IP6K2: variants seen among roughly 807,000 people sequenced by gnomAD.
IP6K2 encodes ATP:1D-myo-inositol-hexakisphosphate phosphotransferase.
A neutral mutation model predicts 43.3 loss-of-function variants in IP6K2; 9 were observed. The observed-to-expected ratio is 0.21, with a 90% CI of 0.13 to 0.36. IP6K2 has a LOEUF of 0.36. Among genes scored for constraint, IP6K2 ranks in the 10% least tolerant of loss-of-function variants. The probability of loss-of-function intolerance (pLI) is 1.00; values close to 1 mark genes in which losing one functional copy is unlikely to be tolerated. For missense variants in IP6K2, 332 were observed against 538.4 expected, an observed-to-expected ratio of 0.62 and a Z score of 3.79; for synonymous variants, 209 against 202.4, an observed-to-expected ratio of 1.03 and a Z score of -0.28.
Position 48,693,094 on chromosome 3 carries a change from C to T in IP6K2, c.288G>A (p.Val96=). The T allele has an allele frequency of 2.5e-6, 4 of 1,614,148 alleles. No individual in the cohort carries two copies. The highest frequency in any genetic ancestry group is 3.4e-6 in the Non-Finnish European group (4 of 1,179,976). The change falls in exon 3 of 6, where the codon GTG becomes GTA. Residue 96 remains valine (V), a synonymous_variant. Coordinates refer to ENST00000328631, the MANE Select transcript of IP6K2 (RefSeq NM_016291.4). ...CACAGTCTGAATTATCTACAATGTC[C>T]ACAATTCCATGGTCCCCTTTCAATG... ...AYPLKGDHGI[V]DIVDNSDCEP...
intron 1 of IP6K2, among the ~76,000 whole-genome samples, chr3:48,712,624 G>A (rs1352622498): frequency 6.6e-6 from 1 of 152,068 alleles, no homozygotes; most frequent in Non-Finnish European, 1.5e-5. Context: ...TGAGGCAAGA[G>A]GATCACTTAT....
intron 1 of IP6K2, among the ~76,000 whole-genome samples, chr3:48,705,196 C>A (rs1171790043): frequency 6.6e-6 from 1 of 152,092 alleles, no homozygotes; most frequent in South Asian, 2.1e-4. Flanking sequence ...GCTGCCTCAG[C>A]CTCCCAAAGT....
At chr3:48,711,748 ATTGT>A (rs879579572) in intron 1 of IP6K2, among the ~76,000 whole-genome samples, 4 of 152,204 alleles carry the variant, frequency 2.6e-5, no homozygotes, top group Non-Finnish European at 5.9e-5. Flanking sequence ...GTTATTTGTT[ATTGT>A]TTTTCTTGTC....
intron 4 of IP6K2, among the ~76,000 whole-genome samples, chr3:48,690,787 C>CAA (rs538609739): frequency 8.4e-4 from 43 of 51,100 alleles, no homozygotes; most frequent in African/African-American, 2.4e-3. Flanking sequence ...GACTCTGTCT[C>CAA]AAAAAAAAAA....
Position 48,688,285 on chromosome 3 carries a change from C to A in IP6K2, c.1269G>T (p.Glu423Asp). The change falls in exon 6 of 6, where the codon GAG becomes GAT. Residue 423 changes from glutamate (E) to aspartate (D), a missense_variant. By Grantham distance (45) the Glu-to-Asp change is conservative. Transcript: ENST00000328631. The surrounding 1 kb of genome is among the most constrained non-coding windows in gnomAD (Gnocchi z 5.1). ...LIDIVTEISE[E>D]SGE Reference sequence around the variant, plus strand: ...GCAGCTAGCAAGCTCACTCCCCACTCTCCTCACTTATCTCTGTGACAATGT... The same window carrying A: ...GCAGCTAGCAAGCTCACTCCCCACTATCCTCACTTATCTCTGTGACAATGT... 1 of 1,613,726 alleles carries A rather than the reference C, an allele frequency of 6.2e-7. No homozygotes were observed. Among genetic ancestry groups the A allele is most frequent in the Non-Finnish European group, 8.5e-7 (1 of 1,179,600 alleles).
At chr3:48,691,271 C>T in intron 4 of IP6K2, 36 bp downstream of exon 4, 1 of 1,555,558 alleles carries the variant, frequency 6.4e-7, no homozygotes, top group Non-Finnish European at 8.8e-7. Flanking sequence ...TCTCCTCTTA[C>T]CCTCAAATGC....
chr3:48,701,195 C>G (rs988393131), intron 1 of IP6K2, among the ~76,000 whole-genome samples: 1 of 151,926 alleles, frequency 6.6e-6, no homozygotes. Context: ...CATGGTGAAA[C>G]CCCATCTCTA....
In IP6K2 at chr3:48,692,669, T is replaced by A. The variant is rs530907271; in HGVS notation, c.428+285A>T. Among the ~76,000 whole-genome samples the A allele has an allele frequency of 1.2e-3, 183 of 152,314 alleles. No individual in the cohort carries two copies. In the Middle Eastern group the frequency reaches 0.017, roughly 14 times the overall value. ...TGAGGTAAAAGGATGGCTCCTCTCT[T>A]AGTCACTGCTACATCTCCAGAACAC... On this transcript the variant is annotated intron_variant, in intron 3 of 5. Coordinates refer to ENST00000328631, the MANE Select transcript of IP6K2 (RefSeq NM_016291.4).
At chr3:48,706,616 G>C (rs1000802885) in intron 1 of IP6K2, among the ~76,000 whole-genome samples, 1 of 152,150 alleles carries the variant, frequency 6.6e-6, no homozygotes. Context: ...TTGGGAGGCA[G>C]ATCACTTAAG....
intron 1 of IP6K2, among the ~76,000 whole-genome samples, chr3:48,704,767 C>T (rs971511175): frequency 2.0e-5 from 3 of 151,774 alleles, no homozygotes; most frequent in South Asian, 2.1e-4. Context: ...GCCACCGCAC[C>T]GGGCCGTTTA....
chr3:48,689,497 C>G (rs556509342), intron 5 of IP6K2, 41 bp downstream of exon 5: 1 of 1,577,974 alleles, frequency 6.3e-7, no homozygotes, highest in African/African-American at 1.3e-5. Flanking sequence ...GGGGAAGTGA[C>G]AGCCACTGGA....
chr3:48,701,903 AT>A (rs1259564437), intron 1 of IP6K2, among the ~76,000 whole-genome samples: 1 of 152,018 alleles, frequency 6.6e-6, no homozygotes, highest in African/African-American at 2.4e-5. Context: ...GTCTAAAAAA[AT>A]AAATAAATAA....
chr3:48,713,715 C>T (rs1223920217), intron 1 of IP6K2, among the ~76,000 whole-genome samples: 1 of 149,548 alleles, frequency 6.7e-6, no homozygotes, highest in African/African-American at 2.5e-5. Flanking sequence ...CCCAGCTACT[C>T]GGGAGGCTGA....
chr3:48,712,815 G>A (rs1044970772), intron 1 of IP6K2, among the ~76,000 whole-genome samples: 12 of 152,034 alleles, frequency 7.9e-5, no homozygotes, highest in African/African-American at 2.2e-4. Flanking sequence ...TCAGGAGTTC[G>A]AGACCAGCCT....
intron 1 of IP6K2, among the ~76,000 whole-genome samples, chr3:48,705,906 AAAT>A (rs1434755974): frequency 1.2e-5 from 1 of 84,192 alleles, no homozygotes; most frequent in African/African-American, 3.5e-5. Context: ...AAATAAAATA[AAAT>A]AAAAAAAAAC....
Position 48,689,550 on chromosome 3 carries a change from C to A in IP6K2, c.768G>T (p.Val256=). ...QSTSAVIGVR[V]CGMQVYQAGS... is the part of the protein sequence containing the mutation. Reference sequence around the variant, plus strand: ...GCATCCCCCTCACCTGCATGCCACACACACGCACACCAATGACTGCAGATG... The same window carrying A: ...GCATCCCCCTCACCTGCATGCCACAAACACGCACACCAATGACTGCAGATG... The change falls in exon 5 of 6, where the codon GTG becomes GTT. Residue 256 remains valine, a synonymous_variant. Transcript: ENST00000328631. The A allele has an allele frequency of 6.2e-7, 1 of 1,612,990 alleles. No individual in the cohort carries two copies. Among genetic ancestry groups the A allele is most frequent in the Non-Finnish European group, 8.5e-7 (1 of 1,179,720 alleles).
chr3:48,693,771 C>G lies in IP6K2; in HGVS notation c.203-592G>C, dbSNP rs948026405. ...CGGGTAGGCACCCAGGCCTTTTGTT[C>G]TTATAAAATATGTTTTTATTGGTCT... On this transcript the variant is annotated intron_variant, in intron 2 of 5. Coordinates refer to ENST00000328631, the MANE Select transcript of IP6K2 (RefSeq NM_016291.4). The G allele has an allele frequency of 7.7e-6, 8 of 1,040,802 alleles. No individual in the cohort carries two copies. In the African/African-American group the frequency reaches 1.4e-4, roughly 18 times the overall value. The allele number at this position is 1,040,802 out of a possible 1,614,324, so 64.5% of individuals were successfully genotyped here.
At chr3:48,694,122 G>T in intron 2 of IP6K2, 1 of 1,513,738 alleles carries the variant, frequency 6.6e-7, no homozygotes, top group South Asian at 1.3e-5. Flanking sequence ...CCCCAGCTCT[G>T]GGTGCAGAGG....
chr3:48,688,845 T>C lies in IP6K2; in HGVS notation c.781-72A>G. 6.7e-7 allele frequency: 1 copy of C among 1,499,484 alleles called. No individual in the cohort carries two copies. The highest frequency in any genetic ancestry group is 8.9e-7 in the Non-Finnish European group (1 of 1,117,404). 92.9% of individuals were successfully genotyped at this position (1,499,484 alleles called of 1,614,324 possible). A position where few individuals can be genotyped will look rare whatever the true frequency, so the allele number is the denominator to read the frequency against. ...CCCTGGACCCCGGGCGGGGGTGGGG[T>C]GGTGTGGTGGTGGCGGCATGTGACA... On this transcript the variant is annotated intron_variant, in intron 5 of 5. Coordinates refer to ENST00000328631, the MANE Select transcript of IP6K2 (RefSeq NM_016291.4). This position sits in a 1 kb window ranked among gnomAD's most constrained non-coding sequence, Gnocchi z 5.1.
Sources: gnomAD v4.1 joint callset for allele counts (sites outside exome capture counted in the v4.1 genomes callset) on GRCh38, gnomAD v4.1.1 for gene constraint, Gnocchi (gnomAD v3.1) non-coding constraint, MANE v1.5 for transcripts, NCBI Gene and HGNC (gene_info 2026-07-23, HGNC 2026-07-21) for gene names.